Variants in CRACR2A observed in about 807,000 individuals in gnomAD.
CRACR2A encodes EF-hand calcium-binding domain-containing protein 4B.
CRACR2A carries 79 observed loss-of-function variants against 90.5 expected under a neutral mutation model. That is an observed-to-expected ratio of 0.87 (90% confidence interval 0.73 to 1.05). The LOEUF is 1.05. CRACR2A is among the 50% of genes least tolerant of loss of function. CRACR2A has a pLI of 0.00. For synonymous variants in CRACR2A, 338 were observed against 356.7 expected, an observed-to-expected ratio of 0.95 and a Z score of 0.59; for missense variants, 823 against 897.2, an observed-to-expected ratio of 0.92 and a Z score of 1.06.
At chr12:3,741,526 T>G (rs539323114) in intron 1 of CRACR2A, among the ~76,000 whole-genome samples, 3 of 152,262 alleles carry the variant, frequency 2.0e-5, no homozygotes, top group Non-Finnish European at 4.4e-5. Flanking sequence ...ATATTTTCAC[T>G]GTTTAATTCC....
At position 3,659,667 on chromosome 12, in the gene CRACR2A, C is replaced by A; in HGVS notation, c.672-13G>T. On this transcript the variant is annotated splice_polypyrimidine_tract_variant and intron_variant, in intron 7 of 19. Transcript: ENST00000440314. ...AGCAGCAATTTTCCTACAGAGGTGG[C>A]AAAAGGAGAGTCTCATTGAGGTTCC... The A allele has an allele frequency of 6.2e-7, 1 of 1,611,546 alleles. No homozygotes were observed. Among genetic ancestry groups the A allele is most frequent in the Non-Finnish European group, 8.5e-7 (1 of 1,177,702 alleles).
chr12:3,628,058 T>TTTCCCTCCCTCTCTCCCTCTCTCC (rs1565463169), intron 15 of CRACR2A, among the ~76,000 whole-genome samples: 37 of 114,968 alleles, frequency 3.2e-4, no homozygotes, highest in South Asian at 1.5e-3. Context: ...TCTCTCTCTC[T>TTTCCCTCCCTCTCTCCCTCTCTCC]TTCCCTCCCT....
At chr12:3,666,364 T>TGTGTGTGCGC (rs765943563) in intron 7 of CRACR2A, among the ~76,000 whole-genome samples, 10 of 149,598 alleles carry the variant, frequency 6.7e-5, no homozygotes, top group African/African-American at 2.5e-4. Context: ...TGCGTGCGTG[T>TGTGTGTGCGC]GCGCGTGCGC....
At chr12:3,706,488 A>G (rs965138509) in intron 3 of CRACR2A, among the ~76,000 whole-genome samples, 1 of 152,234 alleles carries the variant, frequency 6.6e-6, no homozygotes, top group Non-Finnish European at 1.5e-5. Flanking sequence ...ATAAATTCCA[A>G]GGCCAGAGTG....
intron 11 of CRACR2A, among the ~76,000 whole-genome samples, chr12:3,644,899 T>C (rs573271728): frequency 6.6e-6 from 1 of 152,274 alleles, no homozygotes; most frequent in Non-Finnish European, 1.5e-5. Flanking sequence ...TGGCCTCTCT[T>C]ATTATTAGGG....
chr12:3,624,762 A>G (rs949187163), intron 17 of CRACR2A, among the ~76,000 whole-genome samples: 14 of 152,340 alleles, frequency 9.2e-5, no homozygotes, highest in Admixed American at 3.3e-4. Context: ...TCAGCCTCAC[A>G]TGAGAACTTG....
intron 15 of CRACR2A, 30 bp from the exon 16 acceptor site, chr12:3,627,736 G>T: frequency 6.5e-7 from 1 of 1,547,966 alleles, no homozygotes; most frequent in Non-Finnish European, 8.7e-7. Flanking sequence ...TGTCAGGGCT[G>T]CCCTGGGCCA....
At chr12:3,736,097 T>C (rs1946445276) in intron 1 of CRACR2A, among the ~76,000 whole-genome samples, 1 of 152,026 alleles carries the variant, frequency 6.6e-6, no homozygotes, top group Non-Finnish European at 1.5e-5. Context: ...GGCTTTGTTC[T>C]CTGTGACAAG....
Position 3,633,524 on chromosome 12 carries a change from G to A in CRACR2A, c.1735+80C>T. The A allele has an allele frequency of 4.6e-6, 7 of 1,529,226 alleles. No individual in the cohort carries two copies. In the South Asian group the frequency reaches 4.9e-5, roughly 11 times the overall value. The allele number at this position is 1,529,226 out of a possible 1,614,324, so 94.7% of individuals were successfully genotyped here. ...ATGGCCCTTCCCATGGGCTTCTAACGCTCCCTGCCCCGGGCCCCCTTCTCA... is the reference window on the plus strand; with the variant it reads ...ATGGCCCTTCCCATGGGCTTCTAACACTCCCTGCCCCGGGCCCCCTTCTCA... On this transcript the variant is annotated intron_variant, in intron 15 of 19. Coordinates refer to ENST00000440314, the MANE Select transcript of CRACR2A (RefSeq NM_001144958.2). This position sits in a 1 kb window ranked among gnomAD's most constrained non-coding sequence, Gnocchi z 4.5.
intron 13 of CRACR2A, 99 bp from the exon 14 acceptor site, chr12:3,638,553 C>T (rs749805372): frequency 9.2e-5 from 123 of 1,333,914 alleles, no homozygotes; most frequent in Non-Finnish European, 1.1e-4. Context: ...ACCCAAGGAG[C>T]ATCACACCTT....
intron 1 of CRACR2A, among the ~76,000 whole-genome samples, chr12:3,739,814 A>G (rs1377995123): frequency 6.6e-6 from 1 of 151,910 alleles, no homozygotes; most frequent in Non-Finnish European, 1.5e-5. Context: ...CGTACCTGTA[A>G]TCCCAGCTAC....
At chr12:3,624,901 G>A (rs932276558) in intron 17 of CRACR2A, among the ~76,000 whole-genome samples, 1 of 152,190 alleles carries the variant, frequency 6.6e-6, no homozygotes, top group African/African-American at 2.4e-5. Context: ...GAACAGTGGT[G>A]GCTGAGAATC....
chr12:3,631,482 A>G (rs992271062), intron 15 of CRACR2A, among the ~76,000 whole-genome samples: 1 of 151,904 alleles, frequency 6.6e-6, no homozygotes, highest in Admixed American at 6.5e-5. Flanking sequence ...GGCCTCCCCC[A>G]TGGAATGCCC....
chr12:3,747,705 AAG>A (rs2137926866), intron 1 of CRACR2A, among the ~76,000 whole-genome samples: 1 of 152,326 alleles, frequency 6.6e-6, no homozygotes, highest in Admixed American at 6.5e-5. Flanking sequence ...GTGAGTTTAA[AAG>A]AGAGTAAAGG....
Position 3,688,163 on chromosome 12 carries a change from C to G in CRACR2A, c.229-7814G>C, listed in dbSNP as rs550290154. ...TGTCTGTTTACTCTGTTGATAGTTT[C>G]TTTTGCTGTGCAGAAGCTCTTTAGT... On this transcript the variant is annotated intron_variant, in intron 4 of 19. Coordinates refer to ENST00000440314, the MANE Select transcript of CRACR2A (RefSeq NM_001144958.2). Among the ~76,000 whole-genome samples the G allele has an allele frequency of 2.6e-5, 4 of 152,300 alleles. No individual in the cohort carries two copies. In the South Asian group the frequency reaches 8.3e-4, roughly 32 times the overall value.
chr12:3,656,916 G>T (rs1480560344), intron 8 of CRACR2A, among the ~76,000 whole-genome samples: 2 of 152,188 alleles, frequency 1.3e-5, no homozygotes, highest in African/African-American at 4.8e-5. Context: ...CCTCTTGAGG[G>T]TCTAAGTGTT....
At position 3,619,443 on chromosome 12, in the gene CRACR2A, C is replaced by T. The variant is rs998928687; in HGVS notation, c.1933-71G>A. The T allele has an allele frequency of 8.4e-5, 105 of 1,247,772 alleles. No individual in the cohort carries two copies. The Middle Eastern group carries it at 9.3e-4, about 11-fold the overall frequency. 77.3% of individuals were successfully genotyped at this position (1,247,772 alleles called of 1,614,324 possible). A position where few individuals can be genotyped will look rare whatever the true frequency, so the allele number is the denominator to read the frequency against. ...TGCCCAGAGGGCAGGCTAACAATGC[C>T]GGCTGGACAGATGGGACCTCGCTTG... is the stretch of plus-strand genomic sequence containing the variant. On this transcript the variant is annotated intron_variant, in intron 17 of 19. Coordinates refer to ENST00000440314, the MANE Select transcript of CRACR2A (RefSeq NM_001144958.2).
In CRACR2A at chr12:3,679,037, C is replaced by A. The variant is rs759695265; in HGVS notation, c.402G>T (p.Gln134His). The change falls in exon 6 of 20, where the codon CAG becomes CAT. Residue 134 changes from glutamine to histidine, a missense_variant. Physicochemically the swap from Gln to His is conservative, Grantham distance 24. Transcript: ENST00000440314. ...SQEDAGEQVA[Q>H]RHEEKVYLSR... ...ACAGATACACCTTCTCTTCATGGCG[C>A]TGGGCCACCTGTTCACCTGCATCTT... 1 of 1,613,844 alleles carries A rather than the reference C, an allele frequency of 6.2e-7. No homozygotes were observed. Among genetic ancestry groups the A allele is most frequent in the African/African-American group, 1.3e-5 (1 of 74,904 alleles).
intron 14 of CRACR2A, 144 bp downstream of exon 14, chr12:3,637,980 T>G: frequency 1.3e-6 from 1 of 761,092 alleles, no homozygotes; most frequent in Non-Finnish European, 2.0e-6. Flanking sequence ...CAGGGGAAAG[T>G]GGTATTTGGA....
Sources: allele counts gnomAD v4.1 joint callset (sites outside exome capture counted in the v4.1 genomes callset), GRCh38; gene constraint gnomAD v4.1.1; non-coding constraint Gnocchi (gnomAD v3.1); transcripts MANE v1.5; gene names NCBI Gene and HGNC (gene_info 2026-07-23, HGNC 2026-07-21).